ABCB11: variants seen among roughly 807,000 people sequenced by gnomAD.
ABCB11 encodes ATP binding cassette subfamily B member 11.
ABCB11 carries 95 observed loss-of-function variants against 148.0 expected under a neutral mutation model. The observed-to-expected ratio is 0.64, with a 90% CI of 0.54 to 0.76. ABCB11 has a LOEUF of 0.76. Among genes scored for constraint, ABCB11 ranks in the 30% least tolerant of loss-of-function variants. ABCB11 has a pLI of 0.00. For synonymous variants in ABCB11, 591 were observed against 555.4 expected (o/e 1.06, Z -0.90); for missense variants, 1,523 against 1,617.8 (o/e 0.94, Z 1.01).
chr2:169,024,106 G>C (rs10208125), intron 1 of ABCB11, among the ~76,000 whole-genome samples: 82,386 of 151,924 alleles, frequency 0.54, 22,627 homozygotes, highest in South Asian at 0.61. Context: ...TAATACCTAG[G>C]TGATGGATTG....
At chr2:169,013,251 T>C in intron 5 of ABCB11, 21 bp downstream of exon 5, 1 of 1,567,360 alleles carries the variant, frequency 6.4e-7, no homozygotes, top group East Asian at 2.3e-5. Context: ...AAGTAAAAAA[T>C]TAAAAACAAA....
At chr2:168,957,197 G>A (rs1692838150) in intron 19 of ABCB11, among the ~76,000 whole-genome samples, 4 of 151,626 alleles carry the variant, frequency 2.6e-5, no homozygotes, top group Admixed American at 2.6e-4. Context: ...TGGCTCTACA[G>A]TTACACTGGC....
chr2:168,980,595 T>C (rs1694101016), intron 10 of ABCB11, among the ~76,000 whole-genome samples: 1 of 152,128 alleles, frequency 6.6e-6, no homozygotes, highest in South Asian at 2.1e-4. Context: ...AACAGACAGG[T>C]ATGGAGGCTC....
chr2:168,957,905 A>C, intron 19 of ABCB11, 59 bp downstream of exon 19: 2 of 1,364,688 alleles, frequency 1.5e-6, no homozygotes, highest in East Asian at 5.0e-5. Context: ...GAGCGGACTT[A>C]TCAAAATAAT....
At chr2:168,938,787 A>G (rs1160521904) in intron 21 of ABCB11, among the ~76,000 whole-genome samples, 3 of 151,942 alleles carry the variant, frequency 2.0e-5, no homozygotes, top group Non-Finnish European at 4.4e-5. Context: ...GCTCTTTGGG[A>G]TGTCGTTATT....
chr2:168,932,308 T>C (rs1691605269), intron 24 of ABCB11, 69 bp downstream of exon 24: 1 of 1,337,490 alleles, frequency 7.5e-7, no homozygotes, highest in African/African-American at 1.5e-5. Flanking sequence ...GGTTTCCAGC[T>C]TCATCCCTGT....
intron 12 of ABCB11, 133 bp from the exon 13 acceptor site, chr2:168,973,973 G>A (rs529877606): frequency 1.0e-4 from 98 of 983,380 alleles, no homozygotes; most frequent in Admixed American, 2.0e-4. Context: ...CCAAAGCAAC[G>A]TCCACTGAAA....
chr2:168,934,896 C>T, intron 23 of ABCB11, among the ~76,000 whole-genome samples: 1 of 152,126 alleles, frequency 6.6e-6, no homozygotes, highest in East Asian at 1.9e-4. Flanking sequence ...GTGGGGCTTG[C>T]CCTCTTTTGT....
chr2:168,929,388 G>A (rs1415670614), intron 25 of ABCB11, among the ~76,000 whole-genome samples: 1 of 151,992 alleles, frequency 6.6e-6, no homozygotes, highest in African/African-American at 2.4e-5. Context: ...AGGTTTTCAT[G>A]AAGACAAAGA....
chr2:168,931,235 T>C (rs1691556055), intron 24 of ABCB11, among the ~76,000 whole-genome samples: 1 of 152,180 alleles, frequency 6.6e-6, no homozygotes, highest in Non-Finnish European at 1.5e-5. Context: ...CTAAAAATAA[T>C]GTTACACTTA....
At chr2:169,009,608 C>T (rs1331762543) in intron 5 of ABCB11, among the ~76,000 whole-genome samples, 5 of 150,674 alleles carry the variant, frequency 3.3e-5, no homozygotes, top group Admixed American at 2.0e-4. Flanking sequence ...GGGATAGCAT[C>T]AGGAGAAATA....
chr2:169,025,343 T>A (rs1173917143), intron 1 of ABCB11, among the ~76,000 whole-genome samples: 2 of 152,192 alleles, frequency 1.3e-5, no homozygotes, highest in East Asian at 3.9e-4. Flanking sequence ...GATTTCTCCA[T>A]CTTTCATGTC....
At chr2:168,942,126 C>T (rs552433423) in intron 21 of ABCB11, among the ~76,000 whole-genome samples, 1 of 151,932 alleles carries the variant, frequency 6.6e-6, no homozygotes, top group Admixed American at 6.6e-5. Context: ...AAACTAACAG[C>T]TTTCATCTCA....
intron 23 of ABCB11, among the ~76,000 whole-genome samples, chr2:168,934,371 T>C (rs576566490): frequency 6.6e-6 from 1 of 152,134 alleles, no homozygotes; most frequent in South Asian, 2.1e-4. Flanking sequence ...TCCAAACCTT[T>C]CTCAGACCAT....
intron 2 of ABCB11, 23 bp from the exon 3 acceptor site, chr2:169,016,822 CA>C: frequency 6.4e-7 from 1 of 1,569,018 alleles, no homozygotes; most frequent in Non-Finnish European, 8.7e-7. Flanking sequence ...AAAATCAACG[CA>C]AAAAAGCAGT....
intron 12 of ABCB11, among the ~76,000 whole-genome samples, chr2:168,975,270 G>T (rs1195322272): frequency 2.9e-5 from 2 of 67,862 alleles, no homozygotes; most frequent in African/African-American, 6.5e-5. Flanking sequence ...AATATTTATA[G>T]ATAAATATAT....
chr2:168,973,407 A>G (rs1435355572), intron 13 of ABCB11, among the ~76,000 whole-genome samples: 3 of 152,040 alleles, frequency 2.0e-5, no homozygotes, highest in Non-Finnish European at 2.9e-5. Context: ...ATTTCTATAC[A>G]TGTTCCATTA....
At chr2:169,015,369 TGG>T (rs1558928762) in intron 3 of ABCB11, among the ~76,000 whole-genome samples, 131 of 152,262 alleles carry the variant, frequency 8.6e-4, no homozygotes, top group African/African-American at 3.0e-3. Flanking sequence ...GCTTCCCTTC[TGG>T]CCCAGAAAAG....
intron 9 of ABCB11, among the ~76,000 whole-genome samples, chr2:168,990,393 T>G (rs923723655): frequency 2.0e-5 from 3 of 152,136 alleles, no homozygotes; most frequent in African/African-American, 7.2e-5. Flanking sequence ...TCCAATTTGT[T>G]GGCGTTTGTT....
Sources: allele counts gnomAD v4.1 joint callset (sites outside exome capture counted in the v4.1 genomes callset), GRCh38; gene constraint gnomAD v4.1.1; transcripts MANE v1.5; gene names NCBI Gene and HGNC (gene_info 2026-07-23, HGNC 2026-07-21).